The following TWSG1 variants were observed in gnomAD, a reference collection of about 807,000 sequenced individuals.
TWSG1 encodes twisted gastrulation BMP signaling modulator 1.
Under a neutral mutation model 23.0 loss-of-function variants are expected in TWSG1, and 15 were observed. That is an observed-to-expected ratio of 0.65 (90% confidence interval 0.44 to 1.00). TWSG1 has a LOEUF of 1.00. Ranked by LOEUF, TWSG1 falls within the 50% of genes least tolerant of loss-of-function variation. The probability of loss-of-function intolerance (pLI) is 0.00; values close to 1 mark genes in which losing one functional copy is unlikely to be tolerated. For missense variants in TWSG1, 242 were observed against 278.7 expected (o/e 0.87, Z 0.94); for synonymous variants, 86 against 92.8 (o/e 0.93, Z 0.42).
chr18:9,358,267 CT>C (rs2040536229), intron 2 of TWSG1, among the ~76,000 whole-genome samples: 1 of 151,900 alleles, frequency 6.6e-6, no homozygotes, highest in African/African-American at 2.4e-5. Flanking sequence ...AATTTTTTAC[CT>C]CTTATTTTGA....
At chr18:9,397,865 G>A (rs111987532) in intron 4 of TWSG1, among the ~76,000 whole-genome samples, 6,188 of 152,072 alleles carry the variant, frequency 0.041, 414 homozygotes, top group African/African-American at 0.14. Flanking sequence ...TTAGCTGGGC[G>A]TGGTAGCACA....
intron 3 of TWSG1, among the ~76,000 whole-genome samples, chr18:9,372,171 A>G (rs1369790560): frequency 6.6e-6 from 1 of 151,590 alleles, no homozygotes; most frequent in Non-Finnish European, 1.5e-5. Flanking sequence ...ATATATTTGT[A>G]TATACAGTAG....
intron 3 of TWSG1, among the ~76,000 whole-genome samples, chr18:9,365,773 G>A (rs555512979): frequency 6.6e-6 from 1 of 152,306 alleles, no homozygotes; most frequent in South Asian, 2.1e-4. Flanking sequence ...GGCCTAAGTG[G>A]GAGGATCGCA....
At chr18:9,374,515 T>A (rs997901692) in intron 3 of TWSG1, among the ~76,000 whole-genome samples, 9 of 152,220 alleles carry the variant, frequency 5.9e-5, no homozygotes, top group African/African-American at 1.7e-4. Flanking sequence ...CTATATTTTT[T>A]AAATAAATTG....
At chr18:9,369,805 A>C (rs2145616033) in intron 3 of TWSG1, among the ~76,000 whole-genome samples, 1 of 152,300 alleles carries the variant, frequency 6.6e-6, no homozygotes, top group South Asian at 2.1e-4. Flanking sequence ...CATTGGGATT[A>C]CAGGCGTGAG....
chr18:9,348,169 C>G (rs999323645), intron 2 of TWSG1, among the ~76,000 whole-genome samples: 16 of 152,140 alleles, frequency 1.1e-4, no homozygotes, highest in Non-Finnish European at 1.0e-4. Context: ...AATCATCTTC[C>G]TGAAGAGAAT....
At chr18:9,380,273 GT>G (rs1280563233) in intron 3 of TWSG1, among the ~76,000 whole-genome samples, 1 of 152,072 alleles carries the variant, frequency 6.6e-6, no homozygotes, top group Non-Finnish European at 1.5e-5. Flanking sequence ...TCCCTCATCT[GT>G]TCCACACATG....
chr18:9,367,742 G>A (rs964412603), intron 3 of TWSG1, among the ~76,000 whole-genome samples: 3 of 152,228 alleles, frequency 2.0e-5, no homozygotes, highest in African/African-American at 7.2e-5. Context: ...ATGATCTGAG[G>A]TGGAACAGTT....
intron 1 of TWSG1, among the ~76,000 whole-genome samples, chr18:9,335,256 G>A (rs1352986912): frequency 6.6e-6 from 1 of 152,360 alleles, no homozygotes. Context: ...CTCGCGGGGC[G>A]TCCGGCGCCT....
intron 3 of TWSG1, among the ~76,000 whole-genome samples, chr18:9,379,607 C>T (rs1158489036): frequency 6.6e-6 from 1 of 151,952 alleles, no homozygotes; most frequent in African/African-American, 2.4e-5. Flanking sequence ...ACACCAAACC[C>T]CTGAATCACA....
chr18:9,345,618 T>C (rs2040473486), intron 2 of TWSG1, among the ~76,000 whole-genome samples: 1 of 152,234 alleles, frequency 6.6e-6, no homozygotes, highest in South Asian at 2.1e-4. Flanking sequence ...TTTATATCTC[T>C]ATTTTTATGC....
intron 3 of TWSG1, among the ~76,000 whole-genome samples, chr18:9,370,178 T>C (rs1183442029): frequency 1.3e-5 from 2 of 151,788 alleles, no homozygotes; most frequent in African/African-American, 4.8e-5. Context: ...ATTAGCTGGG[T>C]GTGGTGGTGT....
chr18:9,372,150 G>GTATA (rs111687148), intron 3 of TWSG1, among the ~76,000 whole-genome samples: 51,709 of 150,724 alleles, frequency 0.34, 8,932 homozygotes, highest in Admixed American at 0.37. Context: ...TGCTATGTAT[G>GTATA]TATATATATT....
At chr18:9,370,552 A>G (rs137986100) in intron 3 of TWSG1, among the ~76,000 whole-genome samples, 5 of 152,282 alleles carry the variant, frequency 3.3e-5, no homozygotes, top group African/African-American at 1.2e-4. Context: ...GATGTTTGCA[A>G]CTGTTACCCA....
chr18:9,398,277 T>C (rs1001075163), intron 4 of TWSG1, among the ~76,000 whole-genome samples: 1 of 152,178 alleles, frequency 6.6e-6, no homozygotes, highest in African/African-American at 2.4e-5. Flanking sequence ...TAAATTTTGC[T>C]CAAAGATTAT....
chr18:9,381,858 ACAC>A (rs2040657751), intron 3 of TWSG1, among the ~76,000 whole-genome samples: 1 of 113,576 alleles, frequency 8.8e-6, no homozygotes, highest in African/African-American at 2.7e-5. Context: ...CCTGAGCTTT[ACAC>A]ACCCCTGTTA....
At chr18:9,376,821 A>T (rs2040632313) in intron 3 of TWSG1, among the ~76,000 whole-genome samples, 1 of 147,202 alleles carries the variant, frequency 6.8e-6, no homozygotes, top group Non-Finnish European at 1.5e-5. Context: ...GACAGAGCAA[A>T]ACCCTGTCTC....
At chr18:9,359,362 ACT>A (rs1480994173) in intron 2 of TWSG1, among the ~76,000 whole-genome samples, 1 of 151,918 alleles carries the variant, frequency 6.6e-6, no homozygotes, top group Non-Finnish European at 1.5e-5. Context: ...TATCCACCAA[ACT>A]CTCTTGACCA....
chr18:9,346,608 GA>G lies in TWSG1; in HGVS notation c.123+9265del, dbSNP rs375928382. ...AGTGAGACCCCCATCTCTACCAAAA[GA>G]AAAAAAAAGTCTTGAGTGCTGGTGT... On this transcript the variant is annotated intron_variant, in intron 2 of 4. Transcript: ENST00000262120. Among the ~76,000 whole-genome samples, 831 of 151,208 alleles carry G rather than the reference GA, an allele frequency of 5.5e-3. 8 individuals carry two copies. The highest frequency in any genetic ancestry group is 0.019 in the African/African-American group (780 of 41,264).
Sources: gnomAD v4.1 joint callset for allele counts (sites outside exome capture counted in the v4.1 genomes callset) on GRCh38, gnomAD v4.1.1 for gene constraint, MANE v1.5 for transcripts, NCBI Gene and HGNC (gene_info 2026-07-23, HGNC 2026-07-21) for gene names.